The following RANBP10 variants were observed in gnomAD, a reference collection of about 807,000 sequenced individuals.
RANBP10 encodes the protein ran-binding protein 10.
RANBP10 carries 24 observed loss-of-function variants against 72.8 expected under a neutral mutation model. That is an observed-to-expected ratio of 0.33 (90% CI 0.24 to 0.46). The LOEUF (loss-of-function observed/expected upper bound fraction) is 0.46. RANBP10 is among the 20% of genes least tolerant of loss of function. The pLI is 1.00. For synonymous variants in RANBP10, 310 were observed against 322.3 expected (o/e 0.96, Z 0.41); for missense variants, 679 against 817.5 (o/e 0.83, Z 2.07).
At chr16:67,731,325 G>T in intron 7 of RANBP10, 147 bp downstream of exon 7, 2 of 634,442 alleles carry the variant, frequency 3.2e-6, no homozygotes, top group Non-Finnish European at 5.6e-6. Context: ...CTTGAAGGTG[G>T]GACAGGAACA....
intron 3 of RANBP10, among the ~76,000 whole-genome samples, chr16:67,747,157 T>C (rs1464972045): frequency 2.0e-5 from 3 of 152,250 alleles, no homozygotes; most frequent in Non-Finnish European, 4.4e-5. Context: ...CAGCAATGTA[T>C]GAGTTCCATA....
chr16:67,773,091 G>C (rs1343174982), intron 2 of RANBP10, among the ~76,000 whole-genome samples: 1 of 152,220 alleles, frequency 6.6e-6, no homozygotes, highest in Non-Finnish European at 1.5e-5. Flanking sequence ...ATCTCATGTA[G>C]ACATGTAATA....
At chr16:67,791,539 G>A (rs2055028232) in intron 2 of RANBP10, among the ~76,000 whole-genome samples, 2 of 152,306 alleles carry the variant, frequency 1.3e-5, no homozygotes, top group African/African-American at 4.8e-5. Flanking sequence ...GGCTGTTGGA[G>A]GCTGCAGGAA....
chr16:67,788,275 CAG>C (rs1465241018), intron 2 of RANBP10, among the ~76,000 whole-genome samples: 3 of 150,592 alleles, frequency 2.0e-5, no homozygotes, highest in Admixed American at 6.6e-5. Context: ...TCTTTTGAGA[CAG>C]AGTCTTGCTC....
intron 4 of RANBP10, chr16:67,739,905 G>A (rs1264180724): frequency 2.0e-5 from 3 of 152,164 alleles, no homozygotes; most frequent in Admixed American, 6.6e-5. Flanking sequence ...CAGGCTACCA[G>A]AGCACCCATG....
Position 67,724,942 on chromosome 16 carries a change from C to T in RANBP10, c.*1486G>A, listed in dbSNP as rs2053574938. The T allele has an allele frequency of 6.5e-6, 1 of 152,702 alleles. No individual in the cohort carries two copies. Among genetic ancestry groups the T allele is most frequent in the South Asian group, 2.1e-4 (1 of 4,834 alleles). 9.5% of individuals were successfully genotyped at this position (152,702 alleles called of 1,614,324 possible). A position where few individuals can be genotyped will look rare whatever the true frequency, so the allele number is the denominator to read the frequency against. Reference sequence around the variant, plus strand: ...TGGAAATTCCAGCCGTCCTGGTGCTCCTCTGTGTAGACTTCCTCCCTTTCC... The same window carrying T: ...TGGAAATTCCAGCCGTCCTGGTGCTTCTCTGTGTAGACTTCCTCCCTTTCC... On this transcript the variant is annotated 3_prime_UTR_variant, in exon 14 of 14. Transcript: ENST00000317506.
At chr16:67,793,160 C>T (rs2055060389) in intron 2 of RANBP10, among the ~76,000 whole-genome samples, 1 of 152,082 alleles carries the variant, frequency 6.6e-6, no homozygotes, top group African/African-American at 2.4e-5. Flanking sequence ...CTAACCTCCA[C>T]CTCTATGGCC....
chr16:67,806,428 G>A lies in RANBP10; in HGVS notation c.109C>T (p.Arg37Trp), dbSNP rs758946450. The A allele has an allele frequency of 1.4e-5, 23 of 1,594,582 alleles. No individual in the cohort carries two copies. The highest frequency in any genetic ancestry group is 1.3e-5 in the Non-Finnish European group (15 of 1,172,010). Residue 37 changes from arginine to tryptophan, a missense_variant, in exon 1 of 14, where the codon CGG (arginine) becomes TGG (tryptophan). Transcript: ENST00000317506. ...LPSPGEQELS[R>W]RLQRLYPAVN... Reference sequence around the variant, plus strand: ...GCGGGATACAGGCGCTGCAAGCGCCGGCTCAGCTCCTGCTCCCCAGGGGAC... The same window carrying A: ...GCGGGATACAGGCGCTGCAAGCGCCAGCTCAGCTCCTGCTCCCCAGGGGAC...
chr16:67,775,817 GAAAGA>G (rs149616827), intron 2 of RANBP10, among the ~76,000 whole-genome samples: 7,445 of 147,060 alleles, frequency 0.051, 576 homozygotes, highest in African/African-American at 0.17. Flanking sequence ...AAAAAAACTG[GAAAGA>G]AAAGAAAGGG....
chr16:67,769,606 C>T (rs1334071455), intron 3 of RANBP10, among the ~76,000 whole-genome samples: 1 of 151,102 alleles, frequency 6.6e-6, no homozygotes, highest in East Asian at 1.9e-4. Context: ...ATGAGCCGGG[C>T]GTGGTGGCAG....
intron 3 of RANBP10, 107 bp from the exon 4 acceptor site, chr16:67,744,562 C>T: frequency 1.6e-6 from 2 of 1,222,820 alleles, no homozygotes; most frequent in East Asian, 2.6e-5. Context: ...CCTGCCCCAC[C>T]TCTGTCAGCA....
At chr16:67,728,245 C>T in intron 11 of RANBP10, 145 bp downstream of exon 11, 1 of 889,054 alleles carries the variant, frequency 1.1e-6, no homozygotes, top group South Asian at 1.7e-5. Context: ...GACCCATTCA[C>T]AATCGGCTAA....
At chr16:67,765,199 C>CAAAAAAAAAAAAAAAAAAAAAAAAA (rs569942198) in intron 3 of RANBP10, among the ~76,000 whole-genome samples, 1 of 11,642 alleles carries the variant, frequency 8.6e-5, no homozygotes, top group African/African-American at 2.0e-4. Context: ...GACTCCATCT[C>CAAAAAAAAAAAAAAAAAAAAAAAAA]AAAAAAAAAA....
At chr16:67,773,214 C>G (rs2054639050) in intron 2 of RANBP10, among the ~76,000 whole-genome samples, 1 of 152,096 alleles carries the variant, frequency 6.6e-6, no homozygotes, top group Admixed American at 6.5e-5. Flanking sequence ...CTCTATGTTC[C>G]TGCGAGATCT....
intron 4 of RANBP10, 73 bp from the exon 5 acceptor site, chr16:67,738,108 C>A: frequency 6.9e-7 from 1 of 1,458,164 alleles, no homozygotes; most frequent in Non-Finnish European, 9.2e-7. Flanking sequence ...ATGGTGGAGC[C>A]AGTGCTAGGG....
intron 3 of RANBP10, among the ~76,000 whole-genome samples, chr16:67,757,883 T>C (rs2054318456): frequency 6.6e-6 from 1 of 152,088 alleles, no homozygotes; most frequent in African/African-American, 2.4e-5. Flanking sequence ...CTTCTCTTCA[T>C]GGTAGCTCAG....
chr16:67,789,900 C>G (rs994601988), intron 2 of RANBP10, among the ~76,000 whole-genome samples: 2 of 151,796 alleles, frequency 1.3e-5, no homozygotes, highest in African/African-American at 4.9e-5. Context: ...AGTTCAAGAT[C>G]AATCTGACCA....
In RANBP10 at chr16:67,729,944, A is replaced by G. The variant is rs1280611730; in HGVS notation, c.992T>C (p.Met331Thr). ...LLEHNPNLLF[M>T]LKCRQFVEMV... is the part of the protein sequence containing the mutation. ...GGGGGTGCCCAAGACTTACTTGAGC[A>G]TGAAGAGGAGGTTGGGGTTGTGCTC... The change falls in exon 8 of 14, where the codon ATG becomes ACG. Residue 331 changes from methionine (M) to threonine (T), a missense_variant. Transcript: ENST00000317506. This position sits in a 1 kb window ranked among gnomAD's most constrained non-coding sequence, Gnocchi z 7.1. 1 of 1,613,750 alleles carries G rather than the reference A, an allele frequency of 6.2e-7. No homozygotes were observed. The highest frequency in any genetic ancestry group is 1.3e-5 in the African/African-American group (1 of 75,014).
chr16:67,753,424 T>G (rs541268359), intron 3 of RANBP10, among the ~76,000 whole-genome samples: 1 of 151,502 alleles, frequency 6.6e-6, no homozygotes, highest in Admixed American at 6.6e-5. Context: ...AACCCAGGAG[T>G]TTGAGGTGGC....
Sources: gnomAD v4.1 joint callset for allele counts (sites outside exome capture counted in the v4.1 genomes callset) on GRCh38, gnomAD v4.1.1 for gene constraint, Gnocchi (gnomAD v3.1) non-coding constraint, MANE v1.5 for transcripts, NCBI Gene and HGNC (gene_info 2026-07-23, HGNC 2026-07-21) for gene names.